The following SGCZ variants were observed in gnomAD, a reference collection of about 807,000 sequenced individuals.
SGCZ encodes the protein zeta-sarcoglycan.
SGCZ carries 40 observed loss-of-function variants against 41.3 expected under a neutral mutation model. The observed-to-expected ratio is 0.97, with a 90% CI of 0.75 to 1.26. The LOEUF (loss-of-function observed/expected upper bound fraction) is 1.26. SGCZ is among the 50% of genes most tolerant of loss of function. The pLI, the probability that SGCZ is intolerant of heterozygous loss-of-function variation, is 0.00. For missense variants in SGCZ, 552 were observed against 369.8 expected (o/e 1.49, Z -4.04); for synonymous variants, 206 against 137.5 (o/e 1.50, Z -3.49).
At chr8:14,482,928 G>A (rs756213682) in intron 2 of SGCZ, among the ~76,000 whole-genome samples, 29 of 152,142 alleles carry the variant, frequency 1.9e-4, no homozygotes, top group Non-Finnish European at 3.7e-4. Flanking sequence ...TAACAGTGGG[G>A]ACTTTTCAGG....
chr8:14,201,868 C>T (rs1805466629), intron 4 of SGCZ, among the ~76,000 whole-genome samples: 1 of 148,984 alleles, frequency 6.7e-6, no homozygotes, highest in Non-Finnish European at 1.5e-5. Context: ...AAAACAACAA[C>T]AATAACAACA....
intron 1 of SGCZ, among the ~76,000 whole-genome samples, chr8:15,049,018 G>A (rs1333226024): frequency 1.3e-5 from 2 of 152,114 alleles, no homozygotes; most frequent in African/African-American, 4.8e-5. Flanking sequence ...AAAAGATGCT[G>A]TATCAGTATC....
chr8:14,107,050 A>G (rs1802225585), intron 6 of SGCZ, among the ~76,000 whole-genome samples: 1 of 151,992 alleles, frequency 6.6e-6, no homozygotes, highest in Non-Finnish European at 1.5e-5. Flanking sequence ...CCCCGTCTCT[A>G]CTAAAAATAC....
intron 3 of SGCZ, among the ~76,000 whole-genome samples, 153 bp downstream of exon 3, chr8:14,323,950 A>T (rs559351136): frequency 6.6e-6 from 1 of 152,066 alleles, no homozygotes; most frequent in East Asian, 1.9e-4. Context: ...CTGATTTTCA[A>T]TGATGTTATC....
At chr8:14,910,470 T>C (rs1253564730) in intron 1 of SGCZ, among the ~76,000 whole-genome samples, 1 of 150,444 alleles carries the variant, frequency 6.6e-6, no homozygotes, top group Non-Finnish European at 1.5e-5. Flanking sequence ...TTAAATTTAG[T>C]AAATCTTGAA....
intron 1 of SGCZ, among the ~76,000 whole-genome samples, chr8:14,601,914 A>G (rs1240902592): frequency 6.6e-6 from 1 of 152,008 alleles, no homozygotes; most frequent in East Asian, 1.9e-4. Flanking sequence ...AGGTCAGGAG[A>G]TCGAGACCAT....
At chr8:14,204,167 T>A (rs535600249) in intron 4 of SGCZ, among the ~76,000 whole-genome samples, 71 of 152,186 alleles carry the variant, frequency 4.7e-4, no homozygotes, top group African/African-American at 1.6e-3. Flanking sequence ...ACAGTGTGGT[T>A]TGGGAAAATG....
chr8:14,493,106 A>G (rs1353634855), intron 2 of SGCZ, among the ~76,000 whole-genome samples: 2 of 152,016 alleles, frequency 1.3e-5, no homozygotes, highest in Non-Finnish European at 2.9e-5. Context: ...TGCAAATACA[A>G]TTTGCATTGT....
intron 1 of SGCZ, among the ~76,000 whole-genome samples, chr8:14,626,930 T>G (rs765548389): frequency 2.6e-5 from 4 of 152,142 alleles, no homozygotes; most frequent in Non-Finnish European, 5.9e-5. Context: ...GATAGCACGA[T>G]TTACTGCTTC....
chr8:14,902,342 G>C (rs73517331), intron 1 of SGCZ, among the ~76,000 whole-genome samples: 3,111 of 151,992 alleles, frequency 0.02, 103 homozygotes, highest in African/African-American at 0.07. Flanking sequence ...GCATTACTTG[G>C]AATATTTCCA....
chr8:14,204,340 G>A (rs1276697774), intron 4 of SGCZ, among the ~76,000 whole-genome samples: 1 of 150,174 alleles, frequency 6.7e-6, no homozygotes, highest in African/African-American at 2.5e-5. Context: ...CCAAATACCA[G>A]CATTACCCAG....
At chr8:14,305,332 G>A (rs936456049) in intron 3 of SGCZ, among the ~76,000 whole-genome samples, 1 of 152,016 alleles carries the variant, frequency 6.6e-6, no homozygotes, top group South Asian at 2.1e-4. Context: ...ACCACAGCGT[G>A]CAATATTTCT....
chr8:14,686,706 A>G (rs1179802362), intron 1 of SGCZ, among the ~76,000 whole-genome samples: 1 of 152,074 alleles, frequency 6.6e-6, no homozygotes, highest in Non-Finnish European at 1.5e-5. Flanking sequence ...GATCTAGACT[A>G]CATCAGGGAA....
intron 1 of SGCZ, among the ~76,000 whole-genome samples, chr8:14,929,702 T>G (rs934369967): frequency 6.6e-6 from 1 of 152,046 alleles, no homozygotes; most frequent in Non-Finnish European, 1.5e-5. Flanking sequence ...AAACTAGGTA[T>G]AAAATCCACA....
intron 2 of SGCZ, among the ~76,000 whole-genome samples, chr8:14,500,042 T>G (rs1182380771): frequency 6.6e-6 from 1 of 152,060 alleles, no homozygotes; most frequent in Admixed American, 6.6e-5. Context: ...GCCTCTAGTT[T>G]AAAACCTTTA....
At chr8:14,403,209 T>C (rs1799125568) in intron 2 of SGCZ, among the ~76,000 whole-genome samples, 1 of 150,306 alleles carries the variant, frequency 6.7e-6, no homozygotes, top group Non-Finnish European at 1.5e-5. Context: ...TGGGGTTTTC[T>C]AGATATACAA....
chr8:14,150,798 T>C (rs2116950621), intron 5 of SGCZ, among the ~76,000 whole-genome samples: 1 of 152,196 alleles, frequency 6.6e-6, no homozygotes, highest in East Asian at 1.9e-4. Context: ...GATGAATGGA[T>C]AAAGAAAATG....
Position 14,554,720 on chromosome 8 carries a change from A to G in SGCZ, c.234+12T>C. ...CAAGAGCAATAAGATGTAAAATCAT[A>G]GTGGTACTTACCACAGTGAAATTCA... is the stretch of plus-strand genomic sequence containing the variant. On this transcript the variant is annotated intron_variant, in intron 2 of 7. Transcript: ENST00000382080. The G allele has an allele frequency of 2.5e-6, 4 of 1,603,802 alleles. No individual in the cohort carries two copies. The highest frequency in any genetic ancestry group is 3.4e-6 in the Non-Finnish European group (4 of 1,172,872).
intron 1 of SGCZ, among the ~76,000 whole-genome samples, chr8:14,936,506 C>G (rs1397931581): frequency 6.6e-6 from 1 of 151,906 alleles, no homozygotes; most frequent in East Asian, 1.9e-4. Context: ...TGGTTTCTAT[C>G]AAATCATATT....
Sources: gnomAD v4.1 joint callset for allele counts (sites outside exome capture counted in the v4.1 genomes callset) on GRCh38, gnomAD v4.1.1 for gene constraint, MANE v1.5 for transcripts, NCBI Gene and HGNC (gene_info 2026-07-23, HGNC 2026-07-21) for gene names.